The following HS6ST3 variants were observed in gnomAD, a reference collection of about 807,000 sequenced individuals.
HS6ST3 encodes the protein heparan sulfate 6-O-sulfotransferase 3, also known as heparan-sulfate 6-O-sulfotransferase 3.
Under a neutral mutation model 36.7 loss-of-function variants are expected in HS6ST3, and 12 were observed. The observed-to-expected ratio is 0.33, with a 90% CI of 0.21 to 0.53. The LOEUF (loss-of-function observed/expected upper bound fraction) is 0.53, where lower values mean the gene tolerates loss of function less well. Among genes scored for constraint, HS6ST3 ranks in the 20% least tolerant of loss-of-function variants. The pLI, the probability that HS6ST3 is intolerant of heterozygous loss-of-function variation, is 0.95. For synonymous variants in HS6ST3, 240 were observed against 257.5 expected, an observed-to-expected ratio of 0.93 and a Z score of 0.65; for missense variants, 584 against 640.9, an observed-to-expected ratio of 0.91 and a Z score of 0.96.
At chr13:96,793,042 TG>T (rs1431268129) in intron 1 of HS6ST3, among the ~76,000 whole-genome samples, 1 of 151,974 alleles carries the variant, frequency 6.6e-6, no homozygotes, top group Admixed American at 6.6e-5. Context: ...GTTAGAAGTA[TG>T]GGGGAAAATG....
intron 1 of HS6ST3, among the ~76,000 whole-genome samples, chr13:96,194,029 A>C (rs1031574068): frequency 2.0e-5 from 3 of 152,196 alleles, no homozygotes; most frequent in Non-Finnish European, 4.4e-5. Context: ...ACAATGGGCT[A>C]AGCGTTTGTG....
chr13:96,656,573 T>C (rs962199451), intron 1 of HS6ST3, among the ~76,000 whole-genome samples: 2 of 152,162 alleles, frequency 1.3e-5, no homozygotes, highest in African/African-American at 4.8e-5. Context: ...AATATGTTGA[T>C]GTGGAAGAAA....
At chr13:96,667,194 A>G (rs1370173298) in intron 1 of HS6ST3, among the ~76,000 whole-genome samples, 1 of 152,220 alleles carries the variant, frequency 6.6e-6, no homozygotes, top group African/African-American at 2.4e-5. Context: ...AGGCAATATT[A>G]AAACAGAGAA....
intron 1 of HS6ST3, among the ~76,000 whole-genome samples, chr13:96,481,203 C>G (rs954117547): frequency 3.3e-5 from 5 of 152,140 alleles, no homozygotes; most frequent in African/African-American, 9.7e-5. Context: ...GATGAACTGT[C>G]TAAAATCAAA....
chr13:96,351,303 C>G (rs2055182242), intron 1 of HS6ST3, among the ~76,000 whole-genome samples: 1 of 142,352 alleles, frequency 7.0e-6, no homozygotes, highest in South Asian at 2.3e-4. Flanking sequence ...CTTCCCCAAA[C>G]TGGGGAAGGT....
chr13:96,394,278 A>G (rs1594770365), intron 1 of HS6ST3, among the ~76,000 whole-genome samples: 2 of 147,940 alleles, frequency 1.4e-5, no homozygotes, highest in Non-Finnish European at 3.0e-5. Flanking sequence ...TCAGAGACAC[A>G]CTCACCCAGC....
Position 96,838,448 on chromosome 13 carries a change from G to C in HS6ST3, c.*5250G>C, listed in dbSNP as rs934698133. 3 of 152,206 alleles carry C rather than the reference G, an allele frequency of 2.0e-5. No homozygotes were observed. The allele number at this position is 152,206 out of a possible 1,614,324, so 9.4% of individuals were successfully genotyped here. On this transcript the variant is annotated 3_prime_UTR_variant, in exon 2 of 2. Transcript: ENST00000376705. ...ATCTGATCGCAGCTGTGACTCCAAG[G>C]TTTTCCTTTCCCATAGTTGCTGTGA...
chr13:96,725,741 A>G (rs1158454403), intron 1 of HS6ST3, among the ~76,000 whole-genome samples: 1 of 151,078 alleles, frequency 6.6e-6, no homozygotes, highest in East Asian at 1.9e-4. Context: ...GAATGTCAGG[A>G]CTCTATTCTG....
intron 1 of HS6ST3, among the ~76,000 whole-genome samples, chr13:96,584,206 C>G (rs1047496046): frequency 1.3e-5 from 2 of 152,086 alleles, no homozygotes; most frequent in Non-Finnish European, 2.9e-5. Context: ...GACACAATCT[C>G]GATCTCAGCT....
intron 1 of HS6ST3, among the ~76,000 whole-genome samples, chr13:96,092,364 C>T (rs1364698416): frequency 6.6e-6 from 1 of 152,090 alleles, no homozygotes; most frequent in Non-Finnish European, 1.5e-5. Flanking sequence ...ATTCTTGATC[C>T]CCTGCCTCCC....
At chr13:96,093,535 G>A (rs2053775266) in intron 1 of HS6ST3, among the ~76,000 whole-genome samples, 1 of 151,236 alleles carries the variant, frequency 6.6e-6, no homozygotes, top group Non-Finnish European at 1.5e-5. Context: ...TCACAGGTTA[G>A]CAGGCAATTA....
chr13:96,653,699 T>TTTA (rs2056615191), intron 1 of HS6ST3, among the ~76,000 whole-genome samples: 1 of 152,176 alleles, frequency 6.6e-6, no homozygotes, highest in African/African-American at 2.4e-5. Context: ...AGCAGAATGA[T>TTTA]TTATAATCCT....
chr13:96,729,868 C>T (rs916294587), intron 1 of HS6ST3, among the ~76,000 whole-genome samples: 3 of 152,212 alleles, frequency 2.0e-5, no homozygotes. Context: ...ATTTGGATAG[C>T]AATTGGCTTT....
At chr13:96,236,796 T>C (rs1455712584) in intron 1 of HS6ST3, among the ~76,000 whole-genome samples, 2 of 152,202 alleles carry the variant, frequency 1.3e-5, no homozygotes, top group Non-Finnish European at 2.9e-5. Flanking sequence ...CTGAAATGGC[T>C]CTGTCCTTTC....
At chr13:96,172,910 T>C (rs2054194984) in intron 1 of HS6ST3, among the ~76,000 whole-genome samples, 1 of 152,238 alleles carries the variant, frequency 6.6e-6, no homozygotes, top group Non-Finnish European at 1.5e-5. Flanking sequence ...GAATTTTACA[T>C]GTTATCTCAT....
At chr13:96,200,787 CA>C (rs1446193093) in intron 1 of HS6ST3, among the ~76,000 whole-genome samples, 1 of 152,152 alleles carries the variant, frequency 6.6e-6, no homozygotes, top group Non-Finnish European at 1.5e-5. Context: ...ACATCGTATT[CA>C]GAATGCCTCT....
intron 1 of HS6ST3, among the ~76,000 whole-genome samples, chr13:96,697,728 G>A (rs540805057): frequency 2.0e-4 from 30 of 152,168 alleles, no homozygotes; most frequent in African/African-American, 6.7e-4. Context: ...TGACTTTTTC[G>A]ATAAGATATT....
At chr13:96,493,036 C>T (rs540993632) in intron 1 of HS6ST3, among the ~76,000 whole-genome samples, 16 of 152,178 alleles carry the variant, frequency 1.1e-4, no homozygotes, top group Non-Finnish European at 2.2e-4. Flanking sequence ...TTTCTCAGAA[C>T]CACGCTTAGA....
At chr13:96,768,802 T>C (rs752361803) in intron 1 of HS6ST3, among the ~76,000 whole-genome samples, 1 of 151,940 alleles carries the variant, frequency 6.6e-6, no homozygotes, top group Non-Finnish European at 1.5e-5. Context: ...TATACCACTT[T>C]ATTCACAGCA....
Sources: allele counts gnomAD v4.1 joint callset (sites outside exome capture counted in the v4.1 genomes callset), GRCh38; gene constraint gnomAD v4.1.1; transcripts MANE v1.5; gene names NCBI Gene and HGNC (gene_info 2026-07-23, HGNC 2026-07-21).